CAMK1D: variants seen among roughly 807,000 people sequenced by gnomAD.
The protein encoded by CAMK1D is calcium/calmodulin dependent protein kinase ID, also known as calcium/calmodulin-dependent protein kinase type 1D.
Under a neutral mutation model 47.7 loss-of-function variants are expected in CAMK1D, and 9 were observed. That is an observed-to-expected ratio of 0.19 (90% CI 0.11 to 0.33). The LOEUF is 0.33. Among genes scored for constraint, CAMK1D ranks in the 10% least tolerant of loss-of-function variants. The pLI is 1.00. For synonymous variants in CAMK1D, 184 were observed against 184.9 expected (o/e 0.99, Z 0.04); for missense variants, 291 against 488.7 (o/e 0.60, Z 3.81).
chr10:12,613,475 T>G (rs1291510356), intron 2 of CAMK1D, among the ~76,000 whole-genome samples: 1 of 152,258 alleles, frequency 6.6e-6, no homozygotes, highest in Non-Finnish European at 1.5e-5. Context: ...TTTAGAACTT[T>G]GGAACCCATT....
intron 1 of CAMK1D, among the ~76,000 whole-genome samples, chr10:12,384,166 A>C (rs1199544153): frequency 1.3e-5 from 2 of 152,262 alleles, no homozygotes; most frequent in Non-Finnish European, 2.9e-5. Context: ...CAAGCCTTGC[A>C]CATTGCAAAC....
At chr10:12,568,919 A>T (rs1837229341) in intron 2 of CAMK1D, among the ~76,000 whole-genome samples, 1 of 152,218 alleles carries the variant, frequency 6.6e-6, no homozygotes, top group Non-Finnish European at 1.5e-5. Flanking sequence ...AGTTAATACA[A>T]CTTTTTCAAA....
chr10:12,753,370 C>G (rs1294121779), intron 3 of CAMK1D, among the ~76,000 whole-genome samples: 2 of 152,208 alleles, frequency 1.3e-5, no homozygotes, highest in Non-Finnish European at 2.9e-5. Flanking sequence ...CAGAAGGTCA[C>G]TAGCTGGGGC....
intron 2 of CAMK1D, among the ~76,000 whole-genome samples, chr10:12,663,844 C>G (rs1040285943): frequency 3.3e-5 from 5 of 152,084 alleles, no homozygotes; most frequent in Non-Finnish European, 7.4e-5. Context: ...AATGTTAAAA[C>G]TTTACGTTCA....
chr10:12,460,989 T>A (rs1421434093), intron 1 of CAMK1D, among the ~76,000 whole-genome samples: 2 of 152,208 alleles, frequency 1.3e-5, no homozygotes, highest in Non-Finnish European at 2.9e-5. Context: ...CTTTGCTTCC[T>A]GGTAGATAAA....
chr10:12,825,768 T>G, intron 10 of CAMK1D, 78 bp downstream of exon 10: 4 of 1,601,898 alleles, frequency 2.5e-6, no homozygotes, highest in Non-Finnish European at 3.4e-6. Context: ...AGCCGGCATC[T>G]GCCGAGCACC....
intron 2 of CAMK1D, among the ~76,000 whole-genome samples, chr10:12,575,974 G>T (rs1028630887): frequency 6.6e-6 from 1 of 152,194 alleles, no homozygotes; most frequent in East Asian, 1.9e-4. Flanking sequence ...GCTCCTGGGA[G>T]TTCTTTGTCA....
chr10:12,600,736 C>T, intron 2 of CAMK1D, among the ~76,000 whole-genome samples: 1 of 152,192 alleles, frequency 6.6e-6, no homozygotes, highest in East Asian at 1.9e-4. Flanking sequence ...AAATCATGTA[C>T]ATTGTACCCA....
At chr10:12,536,481 G>C (rs1285746863) in intron 1 of CAMK1D, among the ~76,000 whole-genome samples, 2 of 152,118 alleles carry the variant, frequency 1.3e-5, no homozygotes, top group Admixed American at 6.6e-5. Flanking sequence ...GTTTCTCCAT[G>C]TTGGCCAGGC....
At chr10:12,628,667 C>G (rs1785386575) in intron 2 of CAMK1D, among the ~76,000 whole-genome samples, 1 of 152,270 alleles carries the variant, frequency 6.6e-6, no homozygotes, top group Non-Finnish European at 1.5e-5. Context: ...TTAGGGTCCA[C>G]TCTTTATGTT....
chr10:12,492,182 C>G (rs572282574), intron 1 of CAMK1D, among the ~76,000 whole-genome samples: 1 of 151,996 alleles, frequency 6.6e-6, no homozygotes, highest in Non-Finnish European at 1.5e-5. Flanking sequence ...GTGGCTGTTG[C>G]GGCTGCAGGC....
At position 12,472,859 on chromosome 10, in the gene CAMK1D, A is replaced by G. The variant is rs141702432; in HGVS notation, c.93-80366A>G. Among the ~76,000 whole-genome samples the G allele has an allele frequency of 8.9e-3, 1,361 of 152,166 alleles. 21 individuals carry two copies. The highest frequency in any genetic ancestry group is 0.031 in the African/African-American group (1,289 of 41,522). On this transcript the variant is annotated intron_variant, in intron 1 of 10. Coordinates refer to ENST00000619168, the MANE Select transcript of CAMK1D (RefSeq NM_153498.4). Reference sequence around the variant, plus strand: ...CTGTTATTGATCATTTTCTATATGCAGGGCCCTTAACTTGAGGCTGCGAGT... The same window carrying G: ...CTGTTATTGATCATTTTCTATATGCGGGGCCCTTAACTTGAGGCTGCGAGT...
chr10:12,573,958 G>T (rs1837411786), intron 2 of CAMK1D, among the ~76,000 whole-genome samples: 1 of 148,862 alleles, frequency 6.7e-6, no homozygotes, highest in South Asian at 2.1e-4. Context: ...TCGCAGGTGT[G>T]AGCCACTGCA....
chr10:12,603,051 C>G (rs1838352033), intron 2 of CAMK1D, among the ~76,000 whole-genome samples: 1 of 151,928 alleles, frequency 6.6e-6, no homozygotes, highest in African/African-American at 2.4e-5. Context: ...GCTGGGATTA[C>G]AGGCACGCGT....
intron 6 of CAMK1D, among the ~76,000 whole-genome samples, chr10:12,808,866 C>G (rs1339468402): frequency 6.6e-6 from 1 of 152,028 alleles, no homozygotes; most frequent in Non-Finnish European, 1.5e-5. Flanking sequence ...CCTGTAATCC[C>G]AGCACTTTGG....
chr10:12,388,609 TTGCAGAGGTTAAAAG>T (rs1212547023), intron 1 of CAMK1D, among the ~76,000 whole-genome samples: 1 of 152,224 alleles, frequency 6.6e-6, no homozygotes, highest in Non-Finnish European at 1.5e-5. Flanking sequence ...TGTCTGCTAA[TTGCAGAGGTTAAAAG>T]GCAAGAGCAA....
At chr10:12,686,731 T>C (rs1832679934) in intron 3 of CAMK1D, among the ~76,000 whole-genome samples, 1 of 152,204 alleles carries the variant, frequency 6.6e-6, no homozygotes, top group Admixed American at 6.5e-5. Flanking sequence ...GGCTTAATTC[T>C]CAGAGGGAAG....
At chr10:12,410,858 A>C (rs922616450) in intron 1 of CAMK1D, among the ~76,000 whole-genome samples, 2 of 151,996 alleles carry the variant, frequency 1.3e-5, no homozygotes, top group African/African-American at 4.8e-5. Flanking sequence ...TTATTGATTA[A>C]TTTTAGGCAA....
At chr10:12,387,337 GAT>G (rs1241239141) in intron 1 of CAMK1D, among the ~76,000 whole-genome samples, 2 of 125,142 alleles carry the variant, frequency 1.6e-5, no homozygotes, top group South Asian at 2.5e-4. Context: ...TTGAGTTTGA[GAT>G]ATATATATTA....
Sources: gnomAD v4.1 joint callset for allele counts (sites outside exome capture counted in the v4.1 genomes callset) on GRCh38, gnomAD v4.1.1 for gene constraint, MANE v1.5 for transcripts, NCBI Gene and HGNC (gene_info 2026-07-23, HGNC 2026-07-21) for gene names.